USP46: variants seen among roughly 807,000 people sequenced by gnomAD.
USP46 encodes ubiquitin carboxyl-terminal hydrolase 46.
In USP46, 12 loss-of-function variants were observed where a neutral mutation model predicts 44.4. That is an observed-to-expected ratio of 0.27 (90% confidence interval 0.17 to 0.44). The LOEUF (loss-of-function observed/expected upper bound fraction) is 0.44. Among genes scored for constraint, USP46 ranks in the 20% least tolerant of loss-of-function variants. The pLI is 1.00. For missense variants in USP46, 248 were observed against 444.8 expected (o/e 0.56, Z 3.98); for synonymous variants, 155 against 161.5 (o/e 0.96, Z 0.31).
rs1716255434 is a variant in USP46 at position 52,596,643 on chromosome 4, A to G, written c.*997T>C. On this transcript the variant is annotated 3_prime_UTR_variant, in exon 9 of 9. Coordinates refer to ENST00000441222, the MANE Select transcript of USP46 (RefSeq NM_022832.4). ...CAGTGCCTCAGTAAACAGACGGACT[A>G]TGTTAAAAAGTTAAGTTGTACAACG... The G allele has an allele frequency of 6.6e-6, 1 of 152,236 alleles. No homozygotes were observed. 9.4% of individuals were successfully genotyped at this position (152,236 alleles called of 1,614,324 possible).
At chr4:52,647,962 TG>T (rs1278750575) in intron 1 of USP46, among the ~76,000 whole-genome samples, 1 of 152,214 alleles carries the variant, frequency 6.6e-6, no homozygotes. Context: ...AGAAGGGCAC[TG>T]GAAGAAAGTG....
intron 1 of USP46, among the ~76,000 whole-genome samples, chr4:52,638,006 T>A (rs1217911718): frequency 6.6e-6 from 1 of 152,198 alleles, no homozygotes; most frequent in Non-Finnish European, 1.5e-5. Context: ...CTAGGTTAAG[T>A]CAGCCTCTGT....
At chr4:52,657,520 T>C (rs921287724) in intron 1 of USP46, among the ~76,000 whole-genome samples, 1 of 152,134 alleles carries the variant, frequency 6.6e-6, no homozygotes, top group African/African-American at 2.4e-5. Flanking sequence ...CTCACTACCC[T>C]GTAGTATCCT....
At chr4:52,622,347 A>G (rs1056440778) in intron 4 of USP46, among the ~76,000 whole-genome samples, 2 of 152,216 alleles carry the variant, frequency 1.3e-5, no homozygotes, top group Admixed American at 1.3e-4. Flanking sequence ...AAAAAATGAT[A>G]TATTTCCTAA....
chr4:52,654,914 A>C (rs73248675), intron 1 of USP46, among the ~76,000 whole-genome samples: 19,074 of 152,152 alleles, frequency 0.13, 1,199 homozygotes, highest in African/African-American at 0.16. Flanking sequence ...TCATGACCAA[A>C]AACAGAAAAT....
intron 4 of USP46, among the ~76,000 whole-genome samples, chr4:52,622,765 T>G (rs1717429154): frequency 6.6e-6 from 1 of 152,192 alleles, no homozygotes; most frequent in Non-Finnish European, 1.5e-5. Flanking sequence ...TTAACACAAG[T>G]TGAAACCTGA....
chr4:52,598,920 A>G (rs1716347648), intron 7 of USP46, among the ~76,000 whole-genome samples: 1 of 152,188 alleles, frequency 6.6e-6, no homozygotes, highest in Non-Finnish European at 1.5e-5. Flanking sequence ...AAGGACTCAT[A>G]ATCCAGCAGC....
chr4:52,634,028 T>C (rs1223089690), intron 1 of USP46, among the ~76,000 whole-genome samples: 2 of 152,220 alleles, frequency 1.3e-5, no homozygotes, highest in African/African-American at 4.8e-5. Context: ...GCAAGGGTCA[T>C]GAGGAGAAGT....
chr4:52,639,069 G>A (rs1048234914), intron 1 of USP46, among the ~76,000 whole-genome samples: 4 of 152,106 alleles, frequency 2.6e-5, no homozygotes, highest in African/African-American at 9.7e-5. Context: ...AACAGACTTA[G>A]GGCTTAAATA....
chr4:52,608,537 T>C (rs1319621456), intron 5 of USP46, among the ~76,000 whole-genome samples: 4 of 152,204 alleles, frequency 2.6e-5, no homozygotes, highest in Non-Finnish European at 5.9e-5. Flanking sequence ...GGCTCACCAG[T>C]TGGGAAGCTT....
At chr4:52,619,565 T>C (rs1052190673) in intron 4 of USP46, among the ~76,000 whole-genome samples, 6 of 152,244 alleles carry the variant, frequency 3.9e-5, no homozygotes, top group Non-Finnish European at 7.3e-5. Context: ...GCTCCCTGTT[T>C]TTCATCCAGG....
intron 7 of USP46, among the ~76,000 whole-genome samples, chr4:52,599,796 C>G (rs1257028147): frequency 6.6e-6 from 1 of 152,148 alleles, no homozygotes; most frequent in Non-Finnish European, 1.5e-5. Context: ...ATGATCTGTT[C>G]CTGCCCTTTC....
chr4:52,622,019 T>C (rs1278264364), intron 4 of USP46, among the ~76,000 whole-genome samples: 1 of 152,226 alleles, frequency 6.6e-6, no homozygotes, highest in African/African-American at 2.4e-5. Context: ...AATACATGTA[T>C]GTGATTTCAT....
intron 1 of USP46, among the ~76,000 whole-genome samples, chr4:52,632,291 A>G (rs1451231790): frequency 6.6e-6 from 1 of 152,198 alleles, no homozygotes; most frequent in Non-Finnish European, 1.5e-5. Flanking sequence ...AGTTACTGGC[A>G]AATGATTATC....
At chr4:52,656,978 T>A (rs1015599167) in intron 1 of USP46, among the ~76,000 whole-genome samples, 14 of 138,818 alleles carry the variant, frequency 1.0e-4, no homozygotes, top group Admixed American at 8.2e-5. Context: ...AAGTGGAGGC[T>A]GCAGTGAGCC....
chr4:52,607,758 C>G lies in USP46; in HGVS notation c.638+2783G>C, dbSNP rs568434950. Among the ~76,000 whole-genome samples, 17 of 152,260 alleles carry G rather than the reference C, an allele frequency of 1.1e-4. No homozygotes were observed. The South Asian group carries it at 3.1e-3, about 28-fold the overall frequency. On this transcript the variant is annotated intron_variant, in intron 5 of 8. Coordinates refer to ENST00000441222, the MANE Select transcript of USP46 (RefSeq NM_022832.4). ...GCCGTTTAAAAGTGTTTAGCCCCTC[C>G]TCCAACCCCTGGCTTCTGTTCCAGT... is the stretch of plus-strand genomic sequence containing the variant.
rs1436370361 is a variant in USP46 at position 52,659,260 on chromosome 4, G to A, written c.-110C>T. On this transcript the variant is annotated 5_prime_UTR_variant, in exon 1 of 9. Coordinates refer to ENST00000441222, the MANE Select transcript of USP46 (RefSeq NM_022832.4). The surrounding 1 kb of genome is among the most constrained non-coding windows in gnomAD (Gnocchi z 4.2). Reference sequence around the variant, plus strand: ...CCGGGCGGCAGCGCGGCGGCCTGGGGTCCGGCTTTCAGTTTGGCTGGGAGA... The same window carrying A: ...CCGGGCGGCAGCGCGGCGGCCTGGGATCCGGCTTTCAGTTTGGCTGGGAGA... 5 of 1,314,394 alleles carry A rather than the reference G, an allele frequency of 3.8e-6. No homozygotes were observed. In the Admixed American group the frequency reaches 8.7e-5, roughly 23 times the overall value. The allele number at this position is 1,314,394 out of a possible 1,614,324, so 81.4% of individuals were successfully genotyped here.
At chr4:52,598,568 C>G (rs758505921) in intron 8 of USP46, 60 bp downstream of exon 8, 1 of 1,461,394 alleles carries the variant, frequency 6.8e-7, no homozygotes, top group Non-Finnish European at 9.4e-7. Context: ...TCTATACATA[C>G]ACATTCTCCG....
At chr4:52,630,666 G>A (rs1717784097) in intron 2 of USP46, among the ~76,000 whole-genome samples, 1 of 149,912 alleles carries the variant, frequency 6.7e-6, no homozygotes, top group African/African-American at 2.5e-5. Flanking sequence ...GAACACACGA[G>A]GTGGAGGTTG....
Sources: gnomAD v4.1 joint callset for allele counts (sites outside exome capture counted in the v4.1 genomes callset) on GRCh38, gnomAD v4.1.1 for gene constraint, Gnocchi (gnomAD v3.1) non-coding constraint, MANE v1.5 for transcripts, NCBI Gene and HGNC (gene_info 2026-07-23, HGNC 2026-07-21) for gene names.